KIRREL1: variants seen among roughly 807,000 people sequenced by gnomAD.
KIRREL1 encodes the protein kirre like nephrin family adhesion molecule 1.
A neutral mutation model predicts 83.3 loss-of-function variants in KIRREL1; 25 were observed. That is an observed-to-expected ratio of 0.30 (90% CI 0.22 to 0.42). The LOEUF is 0.42. Among genes scored for constraint, KIRREL1 ranks in the 10% least tolerant of loss-of-function variants. KIRREL1 has a pLI of 1.00. For synonymous variants in KIRREL1, 388 were observed against 410.4 expected, an observed-to-expected ratio of 0.95 and a Z score of 0.66; for missense variants, 812 against 1,032.3, an observed-to-expected ratio of 0.79 and a Z score of 2.92.
Position 158,095,129 on chromosome 1 carries a change from G to C in KIRREL1, c.*9G>C, listed in dbSNP as rs897383461. ...TGCAGACTCACGTGTAGGGGCCAGA[G>C]CCTGGCTGGGGCATCTCTGCGGGGC... On this transcript the variant is annotated 3_prime_UTR_variant, in exon 15 of 15. Coordinates refer to ENST00000359209, the MANE Select transcript of KIRREL1 (RefSeq NM_018240.7). 1 of 1,566,116 alleles carries C rather than the reference G, an allele frequency of 6.4e-7. No individual in the cohort carries two copies. Among genetic ancestry groups the C allele is most frequent in the African/African-American group, 1.3e-5 (1 of 74,204 alleles).
intron 1 of KIRREL1, among the ~76,000 whole-genome samples, chr1:158,019,958 T>C (rs1659954133): frequency 6.6e-6 from 1 of 152,156 alleles, no homozygotes; most frequent in African/African-American, 2.4e-5. Flanking sequence ...AATAGACTGC[T>C]GTGGCCCGGG....
chr1:158,093,691 A>G lies in KIRREL1; in HGVS notation c.1648A>G (p.Met550Val), dbSNP rs1234073316. 2.5e-6 allele frequency: 4 copies of G among 1,614,102 alleles called. No homozygotes were observed. Among genetic ancestry groups the G allele is most frequent in the Non-Finnish European group, 3.4e-6 (4 of 1,180,028 alleles). Residue 550 changes from methionine (M) to valine (V), a missense_variant, in exon 13 of 15, where the codon ATG (methionine) becomes GTG (valine). This residue lies in a region of KIRREL1 where 334 missense variants were observed against 383.7 expected (regional missense o/e 0.87). Coordinates refer to ENST00000359209, the MANE Select transcript of KIRREL1 (RefSeq NM_018240.7). ...VETVNREPLT[M>V]HSDREDDTAS... is the part of the protein sequence containing the mutation. ...GACAGTGAACCGAGAGCCACTTACG[A>G]TGCATTCTGACCGGGAGGATGACAC...
At position 158,071,631 on chromosome 1, in the gene KIRREL1, C is replaced by T. The variant is rs185952316; in HGVS notation, c.53-4482C>T. 3.3e-5 allele frequency among the ~76,000 whole-genome samples: 5 copies of T among 152,346 alleles called. No individual in the cohort carries two copies. The East Asian group carries it at 9.7e-4, about 29-fold the overall frequency. On this transcript the variant is annotated intron_variant, in intron 1 of 14. Transcript: ENST00000359209. ...AGGACCTTCCTGGTTCCCCTCCCAC[C>T]TGGCCCCCGGGAGGCCACCTTCCCA...
At chr1:158,017,737 G>GT (rs1659872831) in intron 1 of KIRREL1, among the ~76,000 whole-genome samples, 3 of 128,546 alleles carry the variant, frequency 2.3e-5, no homozygotes, top group African/African-American at 9.2e-5. Context: ...AAAGAAAATA[G>GT]TTTCTTTTTT....
chr1:158,028,845 C>T (rs1420797317), intron 1 of KIRREL1, among the ~76,000 whole-genome samples: 1 of 152,118 alleles, frequency 6.6e-6, no homozygotes, highest in Non-Finnish European at 1.5e-5. Context: ...TTGGTAGAAC[C>T]AGATAAAGTC....
At position 158,076,186 on chromosome 1, in the gene KIRREL1, T is replaced by C. The variant is rs536706183; in HGVS notation, c.126T>C (p.Cys42=). 127 of 1,614,198 alleles carry C rather than the reference T, an allele frequency of 7.9e-5. No homozygotes were observed. The highest frequency in any genetic ancestry group is 2.2e-4 in the Admixed American group (13 of 60,036). ...CTGGACAGCGGGCCGTGCTCCCCTG[T>C]GTGCTGCTCAACTACTCTGGAATTG... ...VVAGQRAVLP[C]VLLNYSGIVQ... is the part of the protein sequence containing the mutation. Residue 42 remains cysteine (C), a synonymous_variant, in exon 2 of 15, where the codon TGT becomes TGC. Transcript: ENST00000359209.
intron 1 of KIRREL1, among the ~76,000 whole-genome samples, chr1:158,032,259 C>T (rs1183639425): frequency 6.6e-6 from 1 of 152,044 alleles, no homozygotes; most frequent in Non-Finnish European, 1.5e-5. Context: ...TTCCACAGGG[C>T]TGGGAGATGG....
intron 1 of KIRREL1, among the ~76,000 whole-genome samples, chr1:158,047,745 G>A (rs112081799): frequency 6.6e-6 from 1 of 152,036 alleles, no homozygotes; most frequent in Non-Finnish European, 1.5e-5. Flanking sequence ...GCCAGAACCC[G>A]GTTCATGAGT....
rs1018582378 is a variant in KIRREL1, at chr1:158,003,819, A to C, written c.52+10091A>C. 5.3e-5 allele frequency among the ~76,000 whole-genome samples: 8 copies of C among 152,076 alleles called. No homozygotes were observed. In the East Asian group the frequency reaches 1.5e-3, roughly 29 times the overall value. On this transcript the variant is annotated intron_variant, in intron 1 of 14. Coordinates refer to ENST00000359209, the MANE Select transcript of KIRREL1 (RefSeq NM_018240.7). ...TGACTTTGAAAAAAAAAAAAAATCT[A>C]ATGCATTTCAAAGCCAAGTTGAAAT... is the stretch of plus-strand genomic sequence containing the variant.
chr1:157,996,313 C>T (rs760004998), intron 1 of KIRREL1, among the ~76,000 whole-genome samples: 3 of 152,054 alleles, frequency 2.0e-5, no homozygotes, highest in African/African-American at 4.8e-5. Flanking sequence ...AGACTGATTG[C>T]GCCGAAAATT....
intron 1 of KIRREL1, among the ~76,000 whole-genome samples, chr1:158,055,333 G>A (rs1475851475): frequency 6.6e-6 from 1 of 151,998 alleles, no homozygotes; most frequent in African/African-American, 2.4e-5. Context: ...GGTCCCTCTG[G>A]CCCCCTCCAC....
At chr1:158,032,308 A>G (rs1350140525) in intron 1 of KIRREL1, among the ~76,000 whole-genome samples, 1 of 152,074 alleles carries the variant, frequency 6.6e-6, no homozygotes, top group Non-Finnish European at 1.5e-5. Context: ...GTCTGGCTGA[A>G]GCAGGAAGTT....
At position 158,095,006 on chromosome 1, in the gene KIRREL1, A is replaced by T. The variant is rs1330937429; in HGVS notation, c.2160A>T (p.Pro720=). The stretch of plus-strand genomic sequence containing the variant: ...CACCCTCTGGCCTGGAGCGGACCCC[A>T]TATGAGGCGTATGACCCCATTGGCA... ...QAPPSGLERT[P]YEAYDPIGKY... The change falls in exon 15 of 15, where the codon CCA becomes CCT. Residue 720 remains proline, a synonymous_variant. Coordinates refer to ENST00000359209, the MANE Select transcript of KIRREL1 (RefSeq NM_018240.7). 1 of 1,614,044 alleles carries T rather than the reference A, an allele frequency of 6.2e-7. No individual in the cohort carries two copies. Among genetic ancestry groups the T allele is most frequent in the Admixed American group, 1.7e-5 (1 of 60,012 alleles).
intron 1 of KIRREL1, among the ~76,000 whole-genome samples, chr1:158,034,504 T>C (rs1201989456): frequency 2.6e-5 from 4 of 152,156 alleles, no homozygotes; most frequent in Non-Finnish European, 5.9e-5. Context: ...ACCTGGACCT[T>C]TTACTTTGTA....
At chr1:157,993,873 C>G (rs971204846) in intron 1 of KIRREL1, 145 bp downstream of exon 1, 4 of 480,948 alleles carry the variant, frequency 8.3e-6, no homozygotes, top group Non-Finnish European at 1.5e-5. Context: ...TCGGTCCGGG[C>G]GCAGAGCCCT....
chr1:158,024,169 G>A (rs7414379), intron 1 of KIRREL1, among the ~76,000 whole-genome samples: 119,866 of 151,856 alleles, frequency 0.79, 48,988 homozygotes, highest in Non-Finnish European at 0.89. Context: ...GGCTAGTCTC[G>A]AACTCCTGAC....
chr1:158,015,921 G>T (rs764660798), intron 1 of KIRREL1, among the ~76,000 whole-genome samples: 4 of 152,058 alleles, frequency 2.6e-5, no homozygotes, highest in Non-Finnish European at 4.4e-5. Context: ...ATCATTGACC[G>T]AATCTATGTA....
At position 158,088,325 on chromosome 1, in the gene KIRREL1, A is replaced by G; in HGVS notation, c.917-2A>G. 6.2e-7 allele frequency: 1 copy of G among 1,610,914 alleles called. No homozygotes were observed. The highest frequency in any genetic ancestry group is 8.5e-7 in the Non-Finnish European group (1 of 1,178,474). On this transcript the variant is annotated splice_acceptor_variant, in intron 7 of 14. Transcript: ENST00000359209. LOFTEE classifies it high-confidence loss of function. ...AACGAGTGGCTTCTTTCTCCCTCACAGTTGCTCCCCGGATTGTAGTTGACC... is the reference window on the plus strand; with the variant it reads ...AACGAGTGGCTTCTTTCTCCCTCACGGTTGCTCCCCGGATTGTAGTTGACC...
At chr1:158,018,171 G>T (rs367740497) in intron 1 of KIRREL1, among the ~76,000 whole-genome samples, 8 of 152,092 alleles carry the variant, frequency 5.3e-5, no homozygotes, top group African/African-American at 1.9e-4. Context: ...TTGGGGGGGT[G>T]GGAAGCAGGA....
Sources: allele counts gnomAD v4.1 joint callset (sites outside exome capture counted in the v4.1 genomes callset), GRCh38; gene constraint gnomAD v4.1.1; regional missense constraint gnomAD v4.1.1; transcripts MANE v1.5; gene names NCBI Gene and HGNC (gene_info 2026-07-23, HGNC 2026-07-21).